The following TENM2 variants were observed in gnomAD, a reference collection of about 807,000 sequenced individuals.
TENM2 encodes the protein teneurin-2.
In TENM2, 52 loss-of-function variants were observed where a neutral mutation model predicts 245.2. That is an observed-to-expected ratio of 0.21 (90% CI 0.17 to 0.27). TENM2 has a LOEUF of 0.27. Among genes scored for constraint, TENM2 ranks in the 10% least tolerant of loss-of-function variants. The pLI is 1.00. For synonymous variants in TENM2, 1,363 were observed against 1,438.9 expected (o/e 0.95, Z 1.19); for missense variants, 3,046 against 3,666.8 (o/e 0.83, Z 4.37).
chr5:167,873,813 T>C (rs945609594), intron 2 of TENM2, among the ~76,000 whole-genome samples: 2 of 152,198 alleles, frequency 1.3e-5, no homozygotes, highest in Non-Finnish European at 2.9e-5. Context: ...ATGCCTTATA[T>C]GAATCCCAAA....
intron 2 of TENM2, among the ~76,000 whole-genome samples, chr5:167,764,541 A>C (rs1045211291): frequency 1.3e-5 from 2 of 152,178 alleles, no homozygotes; most frequent in African/African-American, 4.8e-5. Context: ...AGCTAGAGAG[A>C]GTTCCCACTC....
In TENM2 at chr5:167,502,965, G is replaced by A. The variant is rs574355547; in HGVS notation, c.502+127492G>A. 3.9e-5 allele frequency among the ~76,000 whole-genome samples: 6 copies of A among 152,210 alleles called. No individual in the cohort carries two copies. The South Asian group carries it at 1.2e-3, about 32-fold the overall frequency. ...CTGTCTCAGCTTCCCAGGTAGCTGC[G>A]ACTACAGGCGCACGCCACCATGCCT... On this transcript the variant is annotated intron_variant, in intron 2 of 28. Coordinates refer to ENST00000518659, the Ensembl canonical transcript of TENM2.
the TENM2 span, among the ~76,000 whole-genome samples, chr5:167,220,684 T>A: frequency 6.6e-6 from 1 of 152,188 alleles, no homozygotes; most frequent in African/African-American, 2.4e-5. Context: ...GTCAGCTTTG[T>A]TACCTTAGGC....
At chr5:168,030,213 C>T (rs1215420611) in intron 5 of TENM2, among the ~76,000 whole-genome samples, 3 of 102,272 alleles carry the variant, frequency 2.9e-5, no homozygotes, top group Non-Finnish European at 1.8e-5. Flanking sequence ...GCTTGAATAT[C>T]TCTTTTCCAT....
At chr5:167,042,905 T>G in the TENM2 span, among the ~76,000 whole-genome samples, 1 of 152,096 alleles carries the variant, frequency 6.6e-6, no homozygotes, top group African/African-American at 2.4e-5. Flanking sequence ...CTAAAGAGAT[T>G]TTAGGGATTA....
exon 2 of TENM2, chr5:167,375,300 G>A (rs1231197727): frequency 6.4e-7 from 1 of 1,551,586 alleles, no homozygotes; most frequent in African/African-American, 1.4e-5. Context: ...TACTCCCTTA[G>A]CACAGGGTCT....
At chr5:167,220,573 C>T in the TENM2 span, among the ~76,000 whole-genome samples, 6 of 152,182 alleles carry the variant, frequency 3.9e-5, no homozygotes, top group South Asian at 1.0e-3. Flanking sequence ...CAAGGGGCAC[C>T]TATGTTCTTA....
At chr5:167,649,556 CT>C (rs1380684462) in intron 2 of TENM2, among the ~76,000 whole-genome samples, 1 of 151,942 alleles carries the variant, frequency 6.6e-6, no homozygotes, top group Non-Finnish European at 1.5e-5. Context: ...TTGAGACTGT[CT>C]TTTTTTCTTA....
intron 7 of TENM2, among the ~76,000 whole-genome samples, chr5:168,079,930 T>A (rs1411191528): frequency 6.6e-6 from 1 of 152,240 alleles, no homozygotes; most frequent in Non-Finnish European, 1.5e-5. Flanking sequence ...GGTATCAGGA[T>A]GATCCTGGCC....
chr5:167,262,281 C>G, the TENM2 span, among the ~76,000 whole-genome samples: 2 of 151,900 alleles, frequency 1.3e-5, no homozygotes, highest in Non-Finnish European at 2.9e-5. Context: ...TCGCTTGAAC[C>G]TGGGAGGCGG....
At chr5:168,161,810 G>A (rs576123624) in intron 12 of TENM2, among the ~76,000 whole-genome samples, 211 of 100,720 alleles carry the variant, frequency 2.1e-3, no homozygotes, top group African/African-American at 7.6e-3. Flanking sequence ...ACACGTGAGC[G>A]CATGTATACA....
chr5:167,363,761 A>G (rs919290709), intron 1 of TENM2, among the ~76,000 whole-genome samples: 1 of 151,416 alleles, frequency 6.6e-6, no homozygotes, highest in African/African-American at 2.4e-5. Context: ...AGAAAAAGAA[A>G]AAAGAGAAAA....
chr5:167,356,830 C>G (rs1009382546), intron 1 of TENM2, among the ~76,000 whole-genome samples: 1 of 152,154 alleles, frequency 6.6e-6, no homozygotes, highest in African/African-American at 2.4e-5. Flanking sequence ...CTTCATCAAC[C>G]CCTTTCTCCA....
At chr5:167,241,668 G>A in the TENM2 span, among the ~76,000 whole-genome samples, 2 of 152,180 alleles carry the variant, frequency 1.3e-5, no homozygotes, top group Non-Finnish European at 2.9e-5. Context: ...AATGAGATGA[G>A]GACTGAAGAG....
At chr5:168,151,249 C>G (rs944945305) in intron 12 of TENM2, among the ~76,000 whole-genome samples, 6 of 152,196 alleles carry the variant, frequency 3.9e-5, no homozygotes, top group African/African-American at 1.4e-4. Context: ...ACTCACGTAA[C>G]TCTCAGGAAA....
intron 2 of TENM2, among the ~76,000 whole-genome samples, chr5:167,836,213 G>A (rs1768974403): frequency 1.3e-5 from 2 of 152,140 alleles, no homozygotes; most frequent in South Asian, 2.1e-4. Context: ...GAACCATTAT[G>A]TCTGGTAATT....
At chr5:167,646,802 G>A (rs1311520383) in intron 2 of TENM2, among the ~76,000 whole-genome samples, 7 of 152,324 alleles carry the variant, frequency 4.6e-5, no homozygotes, top group Non-Finnish European at 8.8e-5. Context: ...GGAGTGGAAA[G>A]ACTACGGCAA....
chr5:168,031,439 C>T (rs971557263), intron 5 of TENM2, among the ~76,000 whole-genome samples: 14 of 152,176 alleles, frequency 9.2e-5, no homozygotes, highest in African/African-American at 3.4e-4. Flanking sequence ...TCCTTCTGGA[C>T]AGTTCACACA....
intron 2 of TENM2, among the ~76,000 whole-genome samples, chr5:167,466,607 G>C (rs1156923278): frequency 6.6e-6 from 1 of 152,108 alleles, no homozygotes; most frequent in Non-Finnish European, 1.5e-5. Context: ...TATTATGCCT[G>C]ATAGTTAAAA....
Sources: allele counts gnomAD v4.1 joint callset (sites outside exome capture counted in the v4.1 genomes callset), GRCh38; gene constraint gnomAD v4.1.1; transcripts MANE v1.5; gene names NCBI Gene and HGNC (gene_info 2026-07-23, HGNC 2026-07-21).